MGRN1: variants seen among roughly 807,000 people sequenced by gnomAD.
MGRN1 encodes E3 ubiquitin-protein ligase MGRN1.
MGRN1 carries 29 observed loss-of-function variants against 69.2 expected under a neutral mutation model. The observed-to-expected ratio is 0.42, with a 90% CI of 0.31 to 0.57. The LOEUF (loss-of-function observed/expected upper bound fraction) is 0.57, where lower values mean the gene tolerates loss of function less well. Ranked by LOEUF, MGRN1 falls within the 20% of genes least tolerant of loss-of-function variation. MGRN1 has a pLI of 0.15. For missense variants in MGRN1, 998 were observed against 796.2 expected, an observed-to-expected ratio of 1.25 and a Z score of -3.05; for synonymous variants, 470 against 344.2, an observed-to-expected ratio of 1.37 and a Z score of -4.04.
chr16:4,642,079 G>A (rs1423501740), intron 1 of MGRN1, among the ~76,000 whole-genome samples: 1 of 151,476 alleles, frequency 6.6e-6, no homozygotes. Flanking sequence ...GGGTCCATCC[G>A]GTAACCCTGC....
chr16:4,687,307 T>G, intron 16 of MGRN1: 2 of 983,616 alleles, frequency 2.0e-6, no homozygotes, highest in Non-Finnish European at 2.4e-6. Flanking sequence ...CCCGGTACTT[T>G]GGGAGACCGA....
At chr16:4,641,858 C>T (rs908178794) in intron 1 of MGRN1, among the ~76,000 whole-genome samples, 6 of 152,066 alleles carry the variant, frequency 3.9e-5, no homozygotes, top group African/African-American at 7.2e-5. Flanking sequence ...CTCGCCATGT[C>T]GCCCAGGCTG....
rs1311121172 is a variant in MGRN1 at position 4,674,282 on chromosome 16, C to CTATTT, written c.955+642_955+646dup. 2.6e-5 allele frequency among the ~76,000 whole-genome samples: 4 copies of CTATTT among 151,782 alleles called. No individual in the cohort carries two copies. In the East Asian group the frequency reaches 5.8e-4, roughly 22 times the overall value. ...TACAGGCATGAGCCACCATGCCTGG[C>CTATTT]TATTTTATTTTATTTTATTTTTTTG... On this transcript the variant is annotated intron_variant, in intron 10 of 16. Coordinates refer to ENST00000262370, the MANE Select transcript of MGRN1 (RefSeq NM_015246.4).
intron 5 of MGRN1, among the ~76,000 whole-genome samples, chr16:4,657,771 A>T (rs1378117069): frequency 9.3e-6 from 1 of 107,760 alleles, no homozygotes; most frequent in Admixed American, 1.3e-4. Context: ...TTTTTGAGAC[A>T]GTCTCGCTCT....
chr16:4,664,738 T>C lies in MGRN1; in HGVS notation c.591T>C (p.Phe197=), dbSNP rs138759459. ...ACTTTGACCTGGACCGGGGCGTGTTTCCAGTAGTCATCCAGGCTGTGGTGG... is the reference window on the plus strand; with the variant it reads ...ACTTTGACCTGGACCGGGGCGTGTTCCCAGTAGTCATCCAGGCTGTGGTGG... ...ELNFDLDRGV[F]PVVIQAVVDE... The change falls in exon 6 of 17, where the codon TTT becomes TTC. Residue 197 remains phenylalanine (F), a synonymous_variant. Coordinates refer to ENST00000262370, the MANE Select transcript of MGRN1 (RefSeq NM_015246.4). The C allele has an allele frequency of 2.4e-4, 382 of 1,614,216 alleles. 3 individuals carry two copies. In the African/African-American group the frequency reaches 4.4e-3, roughly 19 times the overall value.
chr16:4,667,840 T>C (rs2078840231), intron 7 of MGRN1, among the ~76,000 whole-genome samples: 1 of 152,236 alleles, frequency 6.6e-6, no homozygotes, highest in Non-Finnish European at 1.5e-5. Context: ...GCTCTGTCTT[T>C]CTAACTCAGC....
chr16:4,681,200 C>T (rs1394623602), intron 12 of MGRN1: 4 of 305,368 alleles, frequency 1.3e-5, no homozygotes, highest in Non-Finnish European at 2.5e-5. Flanking sequence ...GCTCTGCCCC[C>T]GCTCCCAGCT....
chr16:4,686,931 G>A lies in MGRN1; in HGVS notation c.1619-1865G>A, dbSNP rs541281751. The A allele has an allele frequency of 5.8e-5, 57 of 985,324 alleles. No individual in the cohort carries two copies. The South Asian group carries it at 7.5e-4, about 13-fold the overall frequency. 61.0% of individuals were successfully genotyped at this position (985,324 alleles called of 1,614,324 possible). ...AGTCCCTGTCTCTTGGAGGGAGTCCGTCCTCGAGGGGCCCTCTGGTGCCCA... is the reference window on the plus strand; with the variant it reads ...AGTCCCTGTCTCTTGGAGGGAGTCCATCCTCGAGGGGCCCTCTGGTGCCCA... On this transcript the variant is annotated intron_variant, in intron 16 of 16. Transcript: ENST00000262370.
intron 1 of MGRN1, among the ~76,000 whole-genome samples, chr16:4,625,608 G>C (rs1004926875): frequency 6.6e-6 from 1 of 152,170 alleles, no homozygotes; most frequent in Non-Finnish European, 1.5e-5. Context: ...CTTGCTGAGA[G>C]GACCCAGCCG....
intron 1 of MGRN1, among the ~76,000 whole-genome samples, chr16:4,641,384 GGGCTGGAGTGCAGTGGCCCA>G (rs147644194): frequency 0.018 from 2,755 of 152,154 alleles, 35 homozygotes; most frequent in Non-Finnish European, 0.03. Flanking sequence ...GCTGTTGCTT[GGGCTGGAGTGCAGTGGCCCA>G]GGGGCCCAAT....
intron 10 of MGRN1, among the ~76,000 whole-genome samples, chr16:4,675,055 C>G (rs1027844434): frequency 1.3e-5 from 2 of 152,200 alleles, no homozygotes; most frequent in African/African-American, 4.8e-5. Flanking sequence ...TCACTGTAAC[C>G]TCTGCCTCCC....
Position 4,681,750 on chromosome 16 carries a change from C to A in MGRN1, c.1332C>A (p.Gly444=), listed in dbSNP as rs919404690. 8 of 1,612,372 alleles carry A rather than the reference C, an allele frequency of 5.0e-6. No homozygotes were observed. The Admixed American group carries it at 6.7e-5, about 13-fold the overall frequency. ...DHILDSSRQK[G]RPQSKAPDST... ...TCCTGGACAGCAGCCGCCAGAAGGGCAGGCCGCAGAGCAAGGCCCCCGACA... is the reference window on the plus strand; with the variant it reads ...TCCTGGACAGCAGCCGCCAGAAGGGAAGGCCGCAGAGCAAGGCCCCCGACA... The change falls in exon 13 of 17, where the codon GGC becomes GGA. Residue 444 remains glycine (G), a synonymous_variant. Transcript: ENST00000262370.
chr16:4,640,647 A>AG (rs1161563637), intron 1 of MGRN1: 1 of 152,266 alleles, frequency 6.6e-6, no homozygotes, highest in Admixed American at 6.5e-5. Flanking sequence ...TTCCAGGACA[A>AG]CCTTGGGACC....
intron 5 of MGRN1, chr16:4,664,185 T>C (rs1413977414): frequency 5.9e-6 from 1 of 170,616 alleles, no homozygotes; most frequent in Non-Finnish European, 1.3e-5. Flanking sequence ...CAGTGCCTGT[T>C]ATTTGGCCAG....
chr16:4,684,043 C>CAGGGAGAGAACCAGGCTCCAA, intron 16 of MGRN1, 111 bp downstream of exon 16: 1 of 954,764 alleles, frequency 1.0e-6, no homozygotes, highest in Non-Finnish European at 1.6e-6. Context: ...CCATTGGAGC[C>CAGGGAGAGAACCAGGCTCCAA]TGGTTCTCTC....
At position 4,690,407 on chromosome 16, in the gene MGRN1, C is replaced by T. The variant is rs1389147789; in HGVS notation, c.*1499C>T. ...GTCGGCTGTGGGGCAGCTCAGTACC[C>T]TCCCTGAGGCTCACGGTGGCTCCGA... On this transcript the variant is annotated 3_prime_UTR_variant, in exon 17 of 17. Coordinates refer to ENST00000262370, the MANE Select transcript of MGRN1 (RefSeq NM_015246.4). 3.3e-5 allele frequency: 5 copies of T among 152,076 alleles called. No homozygotes were observed. The highest frequency in any genetic ancestry group is 3.9e-4 in the East Asian group (2 of 5,152). 9.4% of individuals were successfully genotyped at this position (152,076 alleles called of 1,614,324 possible).
At chr16:4,667,615 A>G (rs933553811) in intron 7 of MGRN1, among the ~76,000 whole-genome samples, 1 of 152,226 alleles carries the variant, frequency 6.6e-6, no homozygotes, top group African/African-American at 2.4e-5. Context: ...AGAACCCACC[A>G]GCCTCACTGG....
intron 5 of MGRN1, among the ~76,000 whole-genome samples, chr16:4,663,384 T>TC (rs1430013573): frequency 7.1e-6 from 1 of 140,358 alleles, no homozygotes; most frequent in Non-Finnish European, 1.6e-5. Flanking sequence ...TTTTTTTTTT[T>TC]TTTTTTTACA....
intron 1 of MGRN1, chr16:4,650,146 T>C: frequency 2.3e-6 from 1 of 443,602 alleles, no homozygotes; most frequent in East Asian, 4.6e-5. Flanking sequence ...CCACTAAGAA[T>C]ACAAAAATCA....
Sources: allele counts gnomAD v4.1 joint callset (sites outside exome capture counted in the v4.1 genomes callset), GRCh38; gene constraint gnomAD v4.1.1; transcripts MANE v1.5; gene names NCBI Gene and HGNC (gene_info 2026-07-23, HGNC 2026-07-21).